The following VGLL4 variants were observed in gnomAD, a reference collection of about 807,000 sequenced individuals.
The protein encoded by VGLL4 is transcription cofactor vestigial-like protein 4.
VGLL4 carries 7 observed loss-of-function variants against 21.0 expected under a neutral mutation model. The ratio of observed to expected loss-of-function variants is 0.33; its 90% confidence interval spans 0.19 to 0.63. The LOEUF is 0.63. Ranked by LOEUF, VGLL4 falls within the 20% of genes least tolerant of loss-of-function variation. VGLL4 has a pLI of 0.78. For missense variants in VGLL4, 394 were observed against 425.7 expected (o/e 0.93, Z 0.66); for synonymous variants, 222 against 173.2 (o/e 1.28, Z -2.21).
intron 2 of VGLL4, among the ~76,000 whole-genome samples, chr3:11,572,658 C>T (rs541778281): frequency 1.3e-5 from 2 of 152,324 alleles, no homozygotes; most frequent in African/African-American, 4.8e-5. Context: ...GCATGCTTCA[C>T]ACTCCAGCAT....
At chr3:11,709,435 T>TCAAAAAAAAAAAAAAAAAA (rs1228813940) in intron 1 of VGLL4, among the ~76,000 whole-genome samples, 7 of 108,848 alleles carry the variant, frequency 6.4e-5, no homozygotes, top group African/African-American at 2.3e-4. Flanking sequence ...AGACTCCGTC[T>TCAAAAAAAAAAAAAAAAAA]AAAAAAAAAA....
At chr3:11,628,596 G>C (rs894673309) in intron 1 of VGLL4, among the ~76,000 whole-genome samples, 2 of 151,814 alleles carry the variant, frequency 1.3e-5, no homozygotes, top group Admixed American at 6.6e-5. Flanking sequence ...CAAGGCGGGC[G>C]GATCACGAGG....
chr3:11,594,365 T>C (rs375699170), intron 2 of VGLL4, among the ~76,000 whole-genome samples: 99 of 152,340 alleles, frequency 6.5e-4, no homozygotes, highest in African/African-American at 2.2e-3. Flanking sequence ...CAGATAGATG[T>C]AGAAATGTGC....
chr3:11,697,945 C>T (rs2076627352), intron 2 of VGLL4, among the ~76,000 whole-genome samples: 1 of 152,228 alleles, frequency 6.6e-6, no homozygotes, highest in Non-Finnish European at 1.5e-5. Context: ...TCCAGCCTTG[C>T]TGATCATCTG....
intron 2 of VGLL4, among the ~76,000 whole-genome samples, chr3:11,675,377 T>C (rs1431034069): frequency 6.6e-6 from 1 of 151,852 alleles, no homozygotes; most frequent in Non-Finnish European, 1.5e-5. Context: ...TAAAAAAATG[T>C]AACATAGGCC....
At chr3:11,690,101 C>T (rs2076505916) in intron 2 of VGLL4, among the ~76,000 whole-genome samples, 1 of 145,804 alleles carries the variant, frequency 6.9e-6, no homozygotes. Context: ...CTAAATATTA[C>T]TCTAGGGCCC....
chr3:11,681,631 A>T (rs2076372538), intron 2 of VGLL4, among the ~76,000 whole-genome samples: 1 of 152,240 alleles, frequency 6.6e-6, no homozygotes, highest in African/African-American at 2.4e-5. Flanking sequence ...AAAATGTTTT[A>T]CTATATAGTA....
rs2075917519 is a variant in VGLL4, at chr3:11,653,951, C to G, written c.64+49020G>C. On this transcript the variant is annotated intron_variant, in intron 2 of 5. Coordinates refer to the VGLL4 transcript ENST00000273038. The surrounding 1 kb of genome is among the most constrained non-coding windows in gnomAD (Gnocchi z 4.2). Reference sequence around the variant, plus strand: ...GGGAAGGGCCCCGGCCAGAGGCTCTCAACCAAGGAGATTCTGCCCTCCTCA... The same window carrying G: ...GGGAAGGGCCCCGGCCAGAGGCTCTGAACCAAGGAGATTCTGCCCTCCTCA... Among the ~76,000 whole-genome samples the G allele has an allele frequency of 2.6e-5, 4 of 152,172 alleles. No individual in the cohort carries two copies. Among genetic ancestry groups the G allele is most frequent in the Non-Finnish European group, 5.9e-5 (4 of 68,038 alleles).
At chr3:11,689,448 A>G (rs890755959) in intron 2 of VGLL4, among the ~76,000 whole-genome samples, 4 of 152,178 alleles carry the variant, frequency 2.6e-5, no homozygotes, top group African/African-American at 9.7e-5. Flanking sequence ...TTTTAAGTTC[A>G]ATCACCACAT....
chr3:11,616,373 C>T (rs199568456), intron 1 of VGLL4, among the ~76,000 whole-genome samples: 4 of 151,548 alleles, frequency 2.6e-5, no homozygotes, highest in Admixed American at 6.5e-5. Flanking sequence ...TATCGCCTAA[C>T]GGTGGTACTA....
intron 2 of VGLL4, among the ~76,000 whole-genome samples, chr3:11,592,741 T>C (rs1489300837): frequency 6.6e-6 from 1 of 152,178 alleles, no homozygotes; most frequent in African/African-American, 2.4e-5. Context: ...GCTCTGGTAC[T>C]TACCAGAGTG....
intron 1 of VGLL4, among the ~76,000 whole-genome samples, chr3:11,637,203 T>C (rs1258771432): frequency 6.6e-6 from 1 of 152,222 alleles, no homozygotes; most frequent in Non-Finnish European, 1.5e-5. Flanking sequence ...ATTTACTATT[T>C]CTTGACCTGG....
At chr3:11,633,383 G>A (rs1282909476) in intron 1 of VGLL4, 1 of 152,352 alleles carries the variant, frequency 6.6e-6, no homozygotes, top group African/African-American at 2.4e-5. Context: ...AGAAGGCAGA[G>A]GAGGGCCAGG....
intron 2 of VGLL4, among the ~76,000 whole-genome samples, chr3:11,667,582 C>T (rs2076145028): frequency 6.6e-6 from 1 of 152,132 alleles, no homozygotes; most frequent in Non-Finnish European, 1.5e-5. Context: ...CTGTGTACTA[C>T]CAGTGTACAG....
Position 11,564,825 on chromosome 3 carries a change from G to A in VGLL4, c.467C>T (p.Pro156Leu). Residue 156 changes from proline (P) to leucine (L), a missense_variant, in exon 3 of 5, where the codon CCC becomes CTC. Pro to Leu is a moderately conservative substitution (Grantham distance 98). Transcript: ENST00000430365. ...LDASRPAGLS[P>L]TLTPGERQQN... ...CTGCCGCTCCCCCGGGGTCAGTGTG[G>A]GCGAGAGGCCGGCTGGCCTGCTGGC... is the stretch of plus-strand genomic sequence containing the variant. 6.3e-7 allele frequency: 1 copy of A among 1,586,302 alleles called. No homozygotes were observed. The highest frequency in any genetic ancestry group is 8.6e-7 in the Non-Finnish European group (1 of 1,168,104).
chr3:11,707,323 G>C (rs2125409321), intron 1 of VGLL4, among the ~76,000 whole-genome samples: 1 of 80,846 alleles, frequency 1.2e-5, no homozygotes, highest in Non-Finnish European at 2.2e-5. Flanking sequence ...GCCAGACCCT[G>C]CCTCAAAAAA....
rs34152653 is a variant in VGLL4 at position 11,643,669 on chromosome 3, TAA to T, written c.-153_-152del. 1.7e-4 allele frequency: 223 copies of T among 1,343,002 alleles called. No homozygotes were observed. The highest frequency in any genetic ancestry group is 4.3e-4 in the Admixed American group (14 of 32,518). 83.2% of individuals were successfully genotyped at this position (1,343,002 alleles called of 1,614,324 possible). A position where few individuals can be genotyped will look rare whatever the true frequency, so the allele number is the denominator to read the frequency against. ...CTATCAAAACAAAGTATGCAAAAGTTAAAAAAAAAAAAATCAGGCACAAAAAA... is the reference window on the plus strand; with the variant it reads ...CTATCAAAACAAAGTATGCAAAAGTTAAAAAAAAAAATCAGGCACAAAAAA... On this transcript the variant is annotated 5_prime_UTR_variant, in exon 1 of 5. Transcript: ENST00000430365.
rs75874063 is a variant in VGLL4, at chr3:11,606,101, G to A, written c.83-4079C>T. ...AGGCCTCACAATCACGGAGGAAGCC[G>A]AAAGGCATGTCTTACATGATGACAG... is the stretch of plus-strand genomic sequence containing the variant. On this transcript the variant is annotated intron_variant, in intron 1 of 4. Coordinates refer to ENST00000430365, the MANE Select transcript of VGLL4 (RefSeq NM_001128219.3). Among the ~76,000 whole-genome samples the A allele has an allele frequency of 3.8e-3, 585 of 152,282 alleles. 3 individuals are homozygous for A. Among genetic ancestry groups the A allele is most frequent in the African/African-American group, 0.013 (538 of 41,544 alleles).
chr3:11,667,839 CTTCTT>C (rs1410130211), intron 2 of VGLL4, among the ~76,000 whole-genome samples: 5 of 115,172 alleles, frequency 4.3e-5, no homozygotes, highest in East Asian at 5.2e-4. Context: ...TTTCTATCTT[CTTCTT>C]TTTTTTTTTT....
Sources: allele counts gnomAD v4.1 joint callset (sites outside exome capture counted in the v4.1 genomes callset), GRCh38; gene constraint gnomAD v4.1.1; non-coding constraint Gnocchi (gnomAD v3.1); transcripts MANE v1.5; gene names NCBI Gene and HGNC (gene_info 2026-07-23, HGNC 2026-07-21).